Variants in ROBO2 observed in about 807,000 individuals in gnomAD.
ROBO2 encodes the protein roundabout homolog 2.
Under a neutral mutation model 160.8 loss-of-function variants are expected in ROBO2, and 53 were observed. The observed-to-expected ratio is 0.33, with a 90% CI of 0.26 to 0.41. ROBO2 has a LOEUF of 0.41. ROBO2 is among the 10% of genes least tolerant of loss of function. The pLI, the probability that ROBO2 is intolerant of heterozygous loss-of-function variation, is 1.00. For synonymous variants in ROBO2, 664 were observed against 611.7 expected (o/e 1.09, Z -1.26); for missense variants, 1,577 against 1,722.4 (o/e 0.92, Z 1.49).
chr3:76,555,424 G>GAA (rs762888617), intron 2 of ROBO2, among the ~76,000 whole-genome samples: 29,785 of 70,810 alleles, frequency 0.42, 7,507 homozygotes, highest in Non-Finnish European at 0.59. Context: ...GAAGAAAGAA[G>GAA]GAGAAGGGGA....
chr3:76,939,715 C>T (rs1349760595), intron 2 of ROBO2, among the ~76,000 whole-genome samples: 3 of 151,966 alleles, frequency 2.0e-5, no homozygotes, highest in Non-Finnish European at 2.9e-5. Flanking sequence ...ACCCAGGAGA[C>T]GGAGGTTGCA....
At chr3:76,317,318 G>A (rs555344360) in intron 2 of ROBO2, among the ~76,000 whole-genome samples, 19 of 152,212 alleles carry the variant, frequency 1.2e-4, no homozygotes, top group African/African-American at 4.3e-4. Context: ...CCTTTGTAAC[G>A]CTGGGAAATC....
At chr3:75,939,140 G>A (rs114397810) in intron 2 of ROBO2, among the ~76,000 whole-genome samples, 2 of 150,680 alleles carry the variant, frequency 1.3e-5, no homozygotes, top group East Asian at 2.0e-4. Context: ...AGACAGCCGC[G>A]TTGGGTTTCT....
intron 5 of ROBO2, among the ~76,000 whole-genome samples, chr3:77,499,982 T>C (rs550552128): frequency 6.6e-6 from 1 of 152,242 alleles, no homozygotes; most frequent in East Asian, 1.9e-4. Context: ...TATAAATGTT[T>C]CTAGTGACTT....
At chr3:76,023,260 C>G (rs1177573502) in intron 2 of ROBO2, among the ~76,000 whole-genome samples, 1 of 151,682 alleles carries the variant, frequency 6.6e-6, no homozygotes, top group Non-Finnish European at 1.5e-5. Flanking sequence ...GTAGCACTTT[C>G]AATTACCTTC....
intron 1 of ROBO2, among the ~76,000 whole-genome samples, chr3:75,930,188 A>G (rs913912635): frequency 3.3e-5 from 5 of 152,078 alleles, no homozygotes; most frequent in African/African-American, 9.7e-5. Context: ...AACATTTTCT[A>G]TAAGGGTATG....
intron 2 of ROBO2, among the ~76,000 whole-genome samples, chr3:76,588,007 G>T (rs1403782507): frequency 2.0e-5 from 3 of 152,150 alleles, no homozygotes; most frequent in African/African-American, 7.2e-5. Context: ...TTGTTGGAAT[G>T]ATTACTTATT....
chr3:77,101,911 G>C (rs1312340090), intron 2 of ROBO2, among the ~76,000 whole-genome samples: 2 of 152,070 alleles, frequency 1.3e-5, no homozygotes, highest in East Asian at 3.9e-4. Context: ...ATGGTGGCTG[G>C]CACCTGTAAT....
intron 2 of ROBO2, among the ~76,000 whole-genome samples, chr3:76,801,792 G>A (rs1481074464): frequency 6.6e-6 from 1 of 152,094 alleles, no homozygotes; most frequent in Admixed American, 6.5e-5. Context: ...CTCGCTGCTG[G>A]CATGCTCACT....
intron 22 of ROBO2, among the ~76,000 whole-genome samples, chr3:77,619,165 G>T (rs1025707001): frequency 6.6e-6 from 1 of 152,162 alleles, no homozygotes; most frequent in Non-Finnish European, 1.5e-5. Context: ...CTTACTAGCT[G>T]CATGACTTTG....
At chr3:76,488,790 T>C (rs1400736259) in intron 2 of ROBO2, among the ~76,000 whole-genome samples, 1 of 152,112 alleles carries the variant, frequency 6.6e-6, no homozygotes, top group Non-Finnish European at 1.5e-5. Flanking sequence ...GTCAGGAATT[T>C]GCCTTTAAAA....
intron 2 of ROBO2, among the ~76,000 whole-genome samples, chr3:76,761,931 C>T (rs2061330010): frequency 1.3e-5 from 2 of 151,392 alleles, no homozygotes; most frequent in African/African-American, 2.4e-5. Flanking sequence ...ATAGCCAGTA[C>T]AGAAAATATG....
chr3:77,191,844 T>C (rs1468607333), intron 2 of ROBO2, among the ~76,000 whole-genome samples: 1 of 152,184 alleles, frequency 6.6e-6, no homozygotes, highest in Non-Finnish European at 1.5e-5. Flanking sequence ...TGAAGCTTTA[T>C]TGCATATCTA....
intron 2 of ROBO2, among the ~76,000 whole-genome samples, chr3:76,016,515 T>C (rs928804208): frequency 6.6e-6 from 1 of 152,060 alleles, no homozygotes; most frequent in African/African-American, 2.4e-5. Context: ...CTGCTTTTTT[T>C]GGTAAAGATA....
rs542036184 is a variant in ROBO2, at chr3:77,034,413, C to T, written c.110-63601C>T. On this transcript the variant is annotated intron_variant, in intron 2 of 26. Transcript: ENST00000487694. ...AAAAAAAAGAAAACAACTTCAGGTA[C>T]TCCACAAGTAGTCAGAATTTGTTTT... 5.4e-5 allele frequency among the ~76,000 whole-genome samples: 8 copies of T among 149,250 alleles called. No homozygotes were observed. The South Asian group carries it at 1.7e-3, about 32-fold the overall frequency.
At chr3:77,164,652 G>C in intron 2 of ROBO2, among the ~76,000 whole-genome samples, 1 of 127,900 alleles carries the variant, frequency 7.8e-6, no homozygotes, top group Non-Finnish European at 1.7e-5. Flanking sequence ...GCCCCGTCCG[G>C]GAGGGAGGTG....
chr3:76,167,094 C>T (rs2072865973), intron 2 of ROBO2, among the ~76,000 whole-genome samples: 1 of 152,068 alleles, frequency 6.6e-6, no homozygotes. Context: ...GTCTGTGCCA[C>T]CACGCCCGGT....
rs118078676 is a variant in ROBO2 at position 76,860,545 on chromosome 3, A to T, written c.110-237469A>T. ...AAAAATAGTTGACTCCATTGTTTTC[A>T]GGTTTTCTTTTTTGCACTAACTTCT... is the stretch of plus-strand genomic sequence containing the variant. On this transcript the variant is annotated intron_variant, in intron 2 of 26. Transcript: ENST00000487694. 9.1e-4 allele frequency among the ~76,000 whole-genome samples: 139 copies of T among 151,958 alleles called. 1 individual carries two copies. In the East Asian group the frequency reaches 0.027, roughly 29 times the overall value.
At chr3:76,720,734 T>C (rs1262561917) in intron 2 of ROBO2, among the ~76,000 whole-genome samples, 1 of 152,216 alleles carries the variant, frequency 6.6e-6, no homozygotes, top group African/African-American at 2.4e-5. Context: ...CGCTTTCCAA[T>C]TAAAATAGAG....
Sources: gnomAD v4.1 joint callset for allele counts (sites outside exome capture counted in the v4.1 genomes callset) on GRCh38, gnomAD v4.1.1 for gene constraint, MANE v1.5 for transcripts, NCBI Gene and HGNC (gene_info 2026-07-23, HGNC 2026-07-21) for gene names.